CSMD1: variants seen among roughly 807,000 people sequenced by gnomAD.
CSMD1 encodes the protein CUB and Sushi multiple domains 1, also known as CUB and sushi domain-containing protein 1.
CSMD1 carries 213 observed loss-of-function variants against 417.5 expected under a neutral mutation model. The ratio of observed to expected loss-of-function variants is 0.51; its 90% CI spans 0.46 to 0.57. The LOEUF is 0.57. CSMD1 is among the 20% of genes least tolerant of loss of function. CSMD1 has a pLI of 0.00. For missense variants in CSMD1, 6,923 were observed against 4,529.7 expected (o/e 1.53, Z -15.17); for synonymous variants, 2,862 against 1,736.8 (o/e 1.65, Z -16.11).
chr8:4,558,263 T>C (rs1028076415), intron 2 of CSMD1, among the ~76,000 whole-genome samples: 3 of 152,200 alleles, frequency 2.0e-5, no homozygotes, highest in African/African-American at 7.2e-5. Context: ...GAGTATCCAC[T>C]TCCACAAACA....
intron 3 of CSMD1, among the ~76,000 whole-genome samples, chr8:4,198,614 A>C (rs1393051414): frequency 6.6e-6 from 1 of 152,172 alleles, no homozygotes; most frequent in African/African-American, 2.4e-5. Flanking sequence ...TGAGTCTTTA[A>C]GCATATAGAT....
intron 2 of CSMD1, among the ~76,000 whole-genome samples, chr8:4,515,522 C>A (rs1803066738): frequency 6.6e-6 from 1 of 152,188 alleles, no homozygotes; most frequent in Non-Finnish European, 1.5e-5. Context: ...TTATTAAAAA[C>A]TTCATACAGT....
At chr8:4,098,495 G>A (rs1801140920) in intron 3 of CSMD1, among the ~76,000 whole-genome samples, 1 of 152,044 alleles carries the variant, frequency 6.6e-6, no homozygotes, top group African/African-American at 2.4e-5. Context: ...CTGTGTTTTA[G>A]TTTTAGGCCA....
At chr8:3,063,497 C>A (rs1812728181) in intron 49 of CSMD1, among the ~76,000 whole-genome samples, 1 of 152,120 alleles carries the variant, frequency 6.6e-6, no homozygotes, top group African/African-American at 2.4e-5. Flanking sequence ...GCACTTCTGG[C>A]TAAATACCCA....
At chr8:3,866,852 G>T (rs1357416019) in intron 5 of CSMD1, among the ~76,000 whole-genome samples, 2 of 152,100 alleles carry the variant, frequency 1.3e-5, no homozygotes, top group African/African-American at 2.4e-5. Context: ...AATTTACCAT[G>T]TTACTAGGAC....
intron 11 of CSMD1, among the ~76,000 whole-genome samples, chr8:3,479,237 T>G (rs1056187685): frequency 6.6e-6 from 1 of 152,164 alleles, no homozygotes; most frequent in African/African-American, 2.4e-5. Flanking sequence ...TGCTAAAATA[T>G]TAGGTGGGTA....
intron 6 of CSMD1, among the ~76,000 whole-genome samples, chr8:3,728,073 G>A (rs895652748): frequency 6.6e-6 from 1 of 152,158 alleles, no homozygotes; most frequent in Non-Finnish European, 1.5e-5. Context: ...CTATGACAGT[G>A]TCCGCACCCA....
intron 3 of CSMD1, among the ~76,000 whole-genome samples, chr8:4,308,112 G>T (rs1002705321): frequency 1.8e-4 from 27 of 152,180 alleles, no homozygotes; most frequent in Non-Finnish European, 2.5e-4. Context: ...GGAGAGGGTG[G>T]CAAAGCAGGA....
In CSMD1 at chr8:4,019,396, C is replaced by A. The variant is rs548330916; in HGVS notation, c.610+12509G>T. Among the ~76,000 whole-genome samples, 9 of 152,234 alleles carry A rather than the reference C, an allele frequency of 5.9e-5. No homozygotes were observed. The South Asian group carries it at 1.0e-3, about 18-fold the overall frequency. ...CTCCGTGAAGCTGCAAGCATACTAC[C>A]AAGTCTGCTTTTAGCTTCCCTATCT... On this transcript the variant is annotated intron_variant, in intron 4 of 69. Coordinates refer to ENST00000635120, the MANE Select transcript of CSMD1 (RefSeq NM_033225.6).
chr8:4,171,037 C>A (rs924983442), intron 3 of CSMD1, among the ~76,000 whole-genome samples: 1 of 151,866 alleles, frequency 6.6e-6, no homozygotes, highest in Admixed American at 6.5e-5. Flanking sequence ...GCAGAATGCA[C>A]CGATCTCTCC....
At chr8:4,612,683 C>A (rs76623186) in intron 2 of CSMD1, among the ~76,000 whole-genome samples, 1,962 of 152,268 alleles carry the variant, frequency 0.013, 40 homozygotes, top group African/African-American at 0.045. Context: ...CCAAACCTCA[C>A]GCCACATCCC....
intron 3 of CSMD1, among the ~76,000 whole-genome samples, chr8:4,382,727 C>T (rs1456749080): frequency 6.7e-6 from 1 of 150,270 alleles, no homozygotes; most frequent in Non-Finnish European, 1.5e-5. Flanking sequence ...GTTTTTAACG[C>T]TTTGCATTGT....
chr8:3,761,199 A>G (rs1315202410), intron 5 of CSMD1, among the ~76,000 whole-genome samples: 2 of 152,114 alleles, frequency 1.3e-5, no homozygotes, highest in African/African-American at 4.8e-5. Context: ...GCGACAATGA[A>G]CTCTCATATT....
In CSMD1 at chr8:4,884,981, G is replaced by A. The variant is rs1350564950; in HGVS notation, c.85+109351C>T. Among the ~76,000 whole-genome samples the A allele has an allele frequency of 2.6e-5, 4 of 152,230 alleles. No homozygotes were observed. In the South Asian group the frequency reaches 6.2e-4, roughly 24 times the overall value. ...TGAAATCTCCCAACACAGAAATTCA[G>A]TATTTCATCCTATTTATTTAGGTCT... On this transcript the variant is annotated intron_variant, in intron 1 of 69. Coordinates refer to ENST00000635120, the MANE Select transcript of CSMD1 (RefSeq NM_033225.6).
intron 1 of CSMD1, among the ~76,000 whole-genome samples, chr8:4,811,384 T>A (rs1798896146): frequency 6.6e-6 from 1 of 151,888 alleles, no homozygotes; most frequent in Non-Finnish European, 1.5e-5. Context: ...ACCATTAAAA[T>A]TAGTTTTTTT....
chr8:3,178,592 G>A (rs73657601), intron 37 of CSMD1, among the ~76,000 whole-genome samples: 1,985 of 152,242 alleles, frequency 0.013, 38 homozygotes, highest in African/African-American at 0.045. Flanking sequence ...TAGGACCCAG[G>A]AAGGCTAAAA....
intron 1 of CSMD1, among the ~76,000 whole-genome samples, chr8:4,806,771 A>G (rs1798612883): frequency 6.6e-6 from 1 of 152,196 alleles, no homozygotes; most frequent in African/African-American, 2.4e-5. Flanking sequence ...TTTGATCACA[A>G]AAATCTAGTC....
rs1449244879 is a variant in CSMD1, at chr8:3,077,923, T to G, written c.7474+9174A>C. Among the ~76,000 whole-genome samples, 4 of 152,368 alleles carry G rather than the reference T, an allele frequency of 2.6e-5. No homozygotes were observed. The East Asian group carries it at 7.7e-4, about 29-fold the overall frequency. On this transcript the variant is annotated intron_variant, in intron 49 of 69. Transcript: ENST00000635120. ...ATTTAGGAGCTGTCATTTTCAAAGTTCCTCCTGCTGAAGTGGAAAGTTCTG... is the reference window on the plus strand; with the variant it reads ...ATTTAGGAGCTGTCATTTTCAAAGTGCCTCCTGCTGAAGTGGAAAGTTCTG...
intron 3 of CSMD1, among the ~76,000 whole-genome samples, chr8:4,113,650 C>T (rs189116539): frequency 4.1e-4 from 62 of 152,180 alleles, no homozygotes; most frequent in African/African-American, 1.3e-3. Context: ...CTGATCCACC[C>T]GCCTCCACCT....
Sources: allele counts gnomAD v4.1 joint callset (sites outside exome capture counted in the v4.1 genomes callset), GRCh38; gene constraint gnomAD v4.1.1; transcripts MANE v1.5; gene names NCBI Gene and HGNC (gene_info 2026-07-23, HGNC 2026-07-21).